Variants in C1orf105 observed in about 807,000 individuals in gnomAD.
The protein encoded by C1orf105 is uncharacterized protein C1orf105.
A neutral mutation model predicts 20.8 loss-of-function variants in C1orf105; 17 were observed. That is an observed-to-expected ratio of 0.82 (90% CI 0.56 to 1.23). The LOEUF (loss-of-function observed/expected upper bound fraction) is 1.23. C1orf105 is among the 50% of genes most tolerant of loss of function. The pLI, the probability that C1orf105 is intolerant of heterozygous loss-of-function variation, is 0.00. For synonymous variants in C1orf105, 72 were observed against 72.1 expected (o/e 1.00, Z 0.01); for missense variants, 219 against 213.5 (o/e 1.03, Z -0.16).
chr1:172,448,335 A>C, intron 2 of C1orf105, 106 bp from the exon 3 acceptor site: 1 of 736,494 alleles, frequency 1.4e-6, no homozygotes. Flanking sequence ...CTGGAGTGGA[A>C]GATAGCTCCC....
rs1650246493 is a variant in C1orf105 at position 172,468,703 on chromosome 1, A to C, written c.*109A>C. ...ACAATTTTCTCTCTTCTCCCAAAAG[A>C]TGATTTAATTTTGCCTTCCTAAGAT... On this transcript the variant is annotated 3_prime_UTR_variant, in exon 7 of 7. Coordinates refer to ENST00000367727, the MANE Select transcript of C1orf105 (RefSeq NM_139240.4). 3 of 1,284,100 alleles carry C rather than the reference A, an allele frequency of 2.3e-6. No individual in the cohort carries two copies. The highest frequency in any genetic ancestry group is 3.2e-6 in the Non-Finnish European group (3 of 932,754). 79.5% of individuals were successfully genotyped at this position (1,284,100 alleles called of 1,614,324 possible). A position where few individuals can be genotyped will look rare whatever the true frequency, so the allele number is the denominator to read the frequency against.
intron 4 of C1orf105, among the ~76,000 whole-genome samples, chr1:172,461,380 T>TATTA (rs1649679715): frequency 1.3e-5 from 2 of 152,250 alleles, no homozygotes; most frequent in Non-Finnish European, 2.9e-5. Flanking sequence ...TACAAGTCAC[T>TATTA]TAGTGAGTAG....
At position 172,420,722 on chromosome 1, in the gene C1orf105, C is replaced by T; in HGVS notation, c.-164C>T. On this transcript the variant is annotated 5_prime_UTR_variant, in exon 1 of 7. Coordinates refer to ENST00000367727, the MANE Select transcript of C1orf105 (RefSeq NM_139240.4). ...ACACAGATGTTGGTAGAGAAAAAGG[C>T]ATACTGGTATTGAAACTGTAAACTG... 1.6e-6 allele frequency: 1 copy of T among 641,296 alleles called. No individual in the cohort carries two copies. The allele number at this position is 641,296 out of a possible 1,614,324, so 39.7% of individuals were successfully genotyped here. A position where few individuals can be genotyped will look rare whatever the true frequency, so the allele number is the denominator to read the frequency against.
chr1:172,465,082 C>T (rs1284159030), intron 5 of C1orf105, among the ~76,000 whole-genome samples: 3 of 152,006 alleles, frequency 2.0e-5, no homozygotes, highest in Admixed American at 2.0e-4. Context: ...ACTCAGGAGG[C>T]TGAGGCAGGA....
intron 4 of C1orf105, among the ~76,000 whole-genome samples, chr1:172,459,638 T>G (rs1284109095): frequency 6.6e-6 from 1 of 152,044 alleles, no homozygotes; most frequent in African/African-American, 2.4e-5. Context: ...TGGAAAACAG[T>G]TTGGGAATTC....
intron 4 of C1orf105, among the ~76,000 whole-genome samples, chr1:172,456,791 G>A (rs1649300342): frequency 6.6e-6 from 1 of 152,162 alleles, no homozygotes; most frequent in South Asian, 2.1e-4. Flanking sequence ...GGGGATTATG[G>A]AGCTCCTTCT....
chr1:172,438,171 T>C (rs1030760810), intron 1 of C1orf105, among the ~76,000 whole-genome samples: 6 of 152,344 alleles, frequency 3.9e-5, no homozygotes, highest in African/African-American at 1.4e-4. Context: ...CATTTAAAAT[T>C]TGTTTCCATG....
Position 172,453,332 on chromosome 1 carries a change from T to G in C1orf105, c.199-3083T>G, listed in dbSNP as rs1270798450. 7 of 1,086,456 alleles carry G rather than the reference T, an allele frequency of 6.4e-6. No individual in the cohort carries two copies. The South Asian group carries it at 1.1e-4, about 17-fold the overall frequency. The allele number at this position is 1,086,456 out of a possible 1,614,324, so 67.3% of individuals were successfully genotyped here. A position where few individuals can be genotyped will look rare whatever the true frequency, so the allele number is the denominator to read the frequency against. ...AGGGAGACTTGGAGAGTTTATATGATTGACAAAAGTCACCCAAGTTGTTTG... is the reference window on the plus strand; with the variant it reads ...AGGGAGACTTGGAGAGTTTATATGAGTGACAAAAGTCACCCAAGTTGTTTG... On this transcript the variant is annotated intron_variant, in intron 3 of 6. Coordinates refer to ENST00000367727, the MANE Select transcript of C1orf105 (RefSeq NM_139240.4).
chr1:172,467,507 T>C (rs756632359), intron 6 of C1orf105, among the ~76,000 whole-genome samples: 1 of 152,218 alleles, frequency 6.6e-6, no homozygotes, highest in Non-Finnish European at 1.5e-5. Flanking sequence ...TTAGTACAGA[T>C]GCTAACCACC....
chr1:172,441,357 ACACACAC>A (rs1558131243), intron 1 of C1orf105: 1 of 5,540 alleles, frequency 1.8e-4, no homozygotes, highest in African/African-American at 3.4e-4. Flanking sequence ...GACTTTACAC[ACACACAC>A]ACACACACAC....
chr1:172,446,090 A>G (rs1647971246), intron 2 of C1orf105, among the ~76,000 whole-genome samples: 1 of 152,210 alleles, frequency 6.6e-6, no homozygotes, highest in Non-Finnish European at 1.5e-5. Flanking sequence ...TTAAAAAAAA[A>G]TCTCATTCTC....
At chr1:172,453,300 T>A (rs925497158) in intron 3 of C1orf105, 1 of 1,266,266 alleles carries the variant, frequency 7.9e-7, no homozygotes, top group African/African-American at 1.5e-5. Context: ...CCATTATCGG[T>A]AGGGGAAGGG....
intron 1 of C1orf105, chr1:172,430,408 T>C: frequency 1.6e-6 from 1 of 624,278 alleles, no homozygotes; most frequent in Non-Finnish European, 2.9e-6. Flanking sequence ...AATAGAACGT[T>C]TAATGAATTT....
In C1orf105 at chr1:172,448,686, C is replaced by G. The variant is rs182628613; in HGVS notation, c.198+155C>G. ...AAATGAAATGAATGGCCCCACCCCC[C>G]TCACTATGTCTCAAGTGCCTTAGGG... On this transcript the variant is annotated intron_variant, in intron 3 of 6. Transcript: ENST00000367727. Among the ~76,000 whole-genome samples the G allele has an allele frequency of 2.6e-5, 4 of 152,280 alleles. No homozygotes were observed. The East Asian group carries it at 7.7e-4, about 29-fold the overall frequency.
intron 1 of C1orf105, among the ~76,000 whole-genome samples, chr1:172,440,936 G>C (rs2149168010): frequency 6.6e-6 from 1 of 152,310 alleles, no homozygotes; most frequent in South Asian, 2.1e-4. Flanking sequence ...GTTCACAGTT[G>C]CCATCAGTCA....
chr1:172,444,447 A>C (rs1326439959), intron 1 of C1orf105, among the ~76,000 whole-genome samples: 1 of 152,218 alleles, frequency 6.6e-6, no homozygotes, highest in Non-Finnish European at 1.5e-5. Context: ...GTAACAAGCC[A>C]TGCTTGGGGT....
At chr1:172,463,348 T>C (rs1649826215) in intron 5 of C1orf105, among the ~76,000 whole-genome samples, 1 of 152,234 alleles carries the variant, frequency 6.6e-6, no homozygotes, top group South Asian at 2.1e-4. Context: ...GGTTTTTCTG[T>C]AACCTTATGT....
At chr1:172,436,076 C>T (rs1234005796) in intron 1 of C1orf105, among the ~76,000 whole-genome samples, 3 of 152,062 alleles carry the variant, frequency 2.0e-5, no homozygotes, top group African/African-American at 4.8e-5. Flanking sequence ...AATCACTGCT[C>T]AACAAAATAA....
intron 1 of C1orf105, chr1:172,430,361 C>A: frequency 1.4e-6 from 1 of 697,272 alleles, no homozygotes. Flanking sequence ...CTTCTGATGG[C>A]AGCAGTTAAG....
Sources: gnomAD v4.1 joint callset for allele counts (sites outside exome capture counted in the v4.1 genomes callset) on GRCh38, gnomAD v4.1.1 for gene constraint, MANE v1.5 for transcripts, NCBI Gene and HGNC (gene_info 2026-07-23, HGNC 2026-07-21) for gene names.